TFAP2B: variants seen among roughly 807,000 people sequenced by gnomAD.
TFAP2B encodes transcription factor AP-2-beta.
Under a neutral mutation model 44.3 loss-of-function variants are expected in TFAP2B, and 9 were observed. The observed-to-expected ratio is 0.20, with a 90% CI of 0.12 to 0.35. The LOEUF (loss-of-function observed/expected upper bound fraction) is 0.35, where lower values mean the gene tolerates loss of function less well. Among genes scored for constraint, TFAP2B ranks in the 10% least tolerant of loss-of-function variants. The pLI is 1.00. For missense variants in TFAP2B, 509 were observed against 600.0 expected, an observed-to-expected ratio of 0.85 and a Z score of 1.59; for synonymous variants, 270 against 263.8, an observed-to-expected ratio of 1.02 and a Z score of -0.23.
intron 6 of TFAP2B, 39 bp downstream of exon 6, chr6:50,840,336 G>A (rs1210538912): frequency 2.5e-6 from 4 of 1,609,962 alleles, no homozygotes; most frequent in Admixed American, 1.7e-5. Context: ...CTCACTCCCA[G>A]CTGGCTAGGC....
chr6:50,840,356 T>G, intron 6 of TFAP2B, 59 bp downstream of exon 6: 1 of 1,600,390 alleles, frequency 6.2e-7, no homozygotes, highest in Non-Finnish European at 8.5e-7. Flanking sequence ...CCACCCGACT[T>G]TGGAGTAGGT....
In TFAP2B at chr6:50,846,170, T is replaced by G. The variant is rs886061588; in HGVS notation, c.*2778T>G. 1 of 151,944 alleles carries G rather than the reference T, an allele frequency of 6.6e-6. No homozygotes were observed. The highest frequency in any genetic ancestry group is 2.4e-5 in the African/African-American group (1 of 41,014). 9.4% of individuals were successfully genotyped at this position (151,944 alleles called of 1,614,324 possible). A position where few individuals can be genotyped will look rare whatever the true frequency, so the allele number is the denominator to read the frequency against. On this transcript the variant is annotated 3_prime_UTR_variant, in exon 7 of 7. Transcript: ENST00000393655. ...ACGCCCTCATTTGTGTGTTCCTCCT[T>G]GCTCCAGCGAGATAGAACCTTTTGC...
rs1469836014 is a variant in TFAP2B at position 50,837,978 on chromosome 6, C to T, written c.825C>T (p.Ala275=). Residue 275 remains alanine, a synonymous_variant, in exon 5 of 7, where the codon GCC becomes GCT. Coordinates refer to ENST00000393655, the MANE Select transcript of TFAP2B (RefSeq NM_003221.4). ...ATGTTAATTCTTGCAATTTCAGAGC[C>T]AAATCGAAAAATGGGGGGAGATCTT... The part of the protein sequence containing the change: ...ASLLGGVLRR[A]KSKNGGRSLR... 1 of 1,613,466 alleles carries T rather than the reference C, an allele frequency of 6.2e-7. No individual in the cohort carries two copies. The highest frequency in any genetic ancestry group is 2.2e-5 in the East Asian group (1 of 44,870).
intron 3 of TFAP2B, among the ~76,000 whole-genome samples, chr6:50,829,106 G>A (rs764350424): frequency 6.6e-6 from 1 of 152,088 alleles, no homozygotes; most frequent in Non-Finnish European, 1.5e-5. Context: ...GATTTTTTTG[G>A]TGATAATTTT....
Position 50,824,011 on chromosome 6 carries a change from A to T in TFAP2B, c.540+146A>T. ...GAACAGGACTAGACAGTCATATAGA[A>T]CTGTTTATGTGTGTCTGTATGTATG... On this transcript the variant is annotated intron_variant, in intron 2 of 6. Transcript: ENST00000393655. 6.6e-6 allele frequency: 6 copies of T among 909,084 alleles called. No homozygotes were observed. The South Asian group carries it at 8.8e-5, about 13-fold the overall frequency. The allele number at this position is 909,084 out of a possible 1,614,324, so 56.3% of individuals were successfully genotyped here. A position where few individuals can be genotyped will look rare whatever the true frequency, so the allele number is the denominator to read the frequency against.
chr6:50,818,820 C>A, upstream of TFAP2B: 1 of 1,424,832 alleles, frequency 7.0e-7, no homozygotes, highest in Non-Finnish European at 9.9e-7. Flanking sequence ...TGTGTATCCC[C>A]CATTTCCAAT....
At chr6:50,828,562 T>C (rs1770588985) in intron 2 of TFAP2B, 57 bp from the exon 3 acceptor site, 7 of 1,464,600 alleles carry the variant, frequency 4.8e-6, no homozygotes, top group African/African-American at 1.4e-5. Flanking sequence ...ACATGATTTA[T>C]GTGTGCAATT....
chr6:50,833,183 AT>A (rs1371659816), intron 3 of TFAP2B, among the ~76,000 whole-genome samples: 1 of 152,222 alleles, frequency 6.6e-6, no homozygotes. Flanking sequence ...TGTGCTCATA[AT>A]TACTAACAAA....
At chr6:50,832,932 C>T (rs1308739809) in intron 3 of TFAP2B, among the ~76,000 whole-genome samples, 1 of 152,086 alleles carries the variant, frequency 6.6e-6, no homozygotes, top group South Asian at 2.1e-4. Context: ...TTCTCCCCAG[C>T]ATAATGCAGC....
At chr6:50,830,515 C>G (rs544239211) in intron 3 of TFAP2B, among the ~76,000 whole-genome samples, 1 of 152,242 alleles carries the variant, frequency 6.6e-6, no homozygotes, top group Non-Finnish European at 1.5e-5. Flanking sequence ...TATGTCCCCC[C>G]AAATGTACAG....
intron 3 of TFAP2B, 94 bp from the exon 4 acceptor site, chr6:50,835,967 C>G (rs1160269655): frequency 6.9e-6 from 7 of 1,011,602 alleles, no homozygotes; most frequent in Non-Finnish European, 4.7e-6. Flanking sequence ...CACTTGGTGT[C>G]TGTCCTGTGG....
intron 5 of TFAP2B, 131 bp downstream of exon 5, chr6:50,838,224 C>T (rs1473755445): frequency 1.3e-5 from 11 of 855,094 alleles, no homozygotes; most frequent in South Asian, 6.8e-5. Flanking sequence ...GGATGTCAAG[C>T]GGCTTCTTGA....
intron 3 of TFAP2B, among the ~76,000 whole-genome samples, chr6:50,835,853 C>T (rs1052106900): frequency 6.6e-6 from 1 of 152,186 alleles, no homozygotes; most frequent in Non-Finnish European, 1.5e-5. Context: ...TGTCTACACA[C>T]GAAGTAAGTT....
Position 50,843,289 on chromosome 6 carries a change from G to A in TFAP2B, c.1280G>A (p.Gly427Asp). ...LQNYLTEALK[G>D]MDKMFLNNTT... ...AACTATCTCACCGAGGCGCTCAAAG[G>A]CATGGACAAGATGTTCTTGAACAAC... is the stretch of plus-strand genomic sequence containing the variant. Residue 427 changes from glycine (G) to aspartate (D), a missense_variant, in exon 7 of 7, where the codon GGC (glycine) becomes GAC (aspartate). By Grantham distance (94) the Gly-to-Asp change is moderately conservative. Around this residue, in one of 3 missense-constraint regions of TFAP2B, gnomAD observed 168 missense variants for 183.2 expected, o/e 0.92. Coordinates refer to ENST00000393655, the MANE Select transcript of TFAP2B (RefSeq NM_003221.4). 6.2e-7 allele frequency: 1 copy of A among 1,614,174 alleles called. No homozygotes were observed. The highest frequency in any genetic ancestry group is 8.5e-7 in the Non-Finnish European group (1 of 1,180,052).
Position 50,843,465 on chromosome 6 carries a change from TTAAAATATTGGA to T in TFAP2B, c.*75_*86del, listed in dbSNP as rs1762776012. The T allele has an allele frequency of 6.9e-7, 1 of 1,457,624 alleles. No individual in the cohort carries two copies. The highest frequency in any genetic ancestry group is 1.4e-5 in the African/African-American group (1 of 69,984). 90.3% of individuals were successfully genotyped at this position (1,457,624 alleles called of 1,614,324 possible). On this transcript the variant is annotated 3_prime_UTR_variant, in exon 7 of 7. Transcript: ENST00000393655. ...AACAGACAAAAATTTAATTTTAGCT[TTAAAATATTGGA>T]TTGGCTTTGGAAGAATTATATTAGG...
chr6:50,835,945 C>T (rs1762611547), intron 3 of TFAP2B, 116 bp from the exon 4 acceptor site: 2 of 867,950 alleles, frequency 2.3e-6, no homozygotes, highest in African/African-American at 3.3e-5. Context: ...AACACTTCCT[C>T]CCTCAGCTTT....
Position 50,843,113 on chromosome 6 carries a change from G to C in TFAP2B, c.1104G>C (p.Thr368=), listed in dbSNP as rs151001753. The change falls in exon 7 of 7, where the codon ACG becomes ACC. Residue 368 remains threonine, a synonymous_variant. Transcript: ENST00000393655. ...LATKQLCKEF[T]DLLAQDRTPI... The stretch of plus-strand genomic sequence containing the variant: ...GCAGGCAACTTTGTAAAGAATTTAC[G>C]GATCTACTGGCGCAGGACCGGACAC... The C allele has an allele frequency of 1.3e-4, 215 of 1,614,224 alleles. 2 individuals carry two copies. In the African/African-American group the frequency reaches 2.5e-3, roughly 19 times the overall value.
At chr6:50,841,349 G>A (rs189295042) in intron 6 of TFAP2B, among the ~76,000 whole-genome samples, 36 of 152,250 alleles carry the variant, frequency 2.4e-4, no homozygotes, top group African/African-American at 8.7e-4. Flanking sequence ...GTTTTCATCT[G>A]CTGTATCAAC....
chr6:50,831,331 G>A (rs1253706312), intron 3 of TFAP2B, among the ~76,000 whole-genome samples: 18 of 152,174 alleles, frequency 1.2e-4, no homozygotes, highest in Admixed American at 1.1e-3. Context: ...GCTCGTTTAC[G>A]GCTAATTTTC....
Sources: allele counts gnomAD v4.1 joint callset (sites outside exome capture counted in the v4.1 genomes callset), GRCh38; gene constraint gnomAD v4.1.1; regional missense constraint gnomAD v4.1.1; transcripts MANE v1.5; gene names NCBI Gene and HGNC (gene_info 2026-07-23, HGNC 2026-07-21).